Variants in ROBO2 observed in about 807,000 individuals in gnomAD.
ROBO2 encodes the protein roundabout homolog 2.
ROBO2 carries 53 observed loss-of-function variants against 160.8 expected under a neutral mutation model. The ratio of observed to expected loss-of-function variants is 0.33; its 90% CI spans 0.26 to 0.41. The LOEUF is 0.41. Ranked by LOEUF, ROBO2 falls within the 10% of genes least tolerant of loss-of-function variation. The probability of loss-of-function intolerance (pLI) is 1.00; values close to 1 mark genes in which losing one functional copy is unlikely to be tolerated. For missense variants in ROBO2, 1,577 were observed against 1,722.4 expected (o/e 0.92, Z 1.49); for synonymous variants, 664 against 611.7 (o/e 1.09, Z -1.26).
chr3:75,997,684 G>A (rs993052467), intron 2 of ROBO2, among the ~76,000 whole-genome samples: 8 of 151,872 alleles, frequency 5.3e-5, no homozygotes, highest in African/African-American at 1.7e-4. Flanking sequence ...TAGTAGAGAC[G>A]GGGTTTCACC....
chr3:77,040,425 C>T, exon 1 of ROBO2: 5 of 1,050,022 alleles, frequency 4.8e-6, no homozygotes, highest in African/African-American at 1.7e-5. Flanking sequence ...CCCCCTTCAT[C>T]ATCTTGACTT....
intron 2 of ROBO2, among the ~76,000 whole-genome samples, chr3:76,993,718 C>T (rs1308162175): frequency 6.6e-6 from 1 of 151,938 alleles, no homozygotes; most frequent in Admixed American, 6.6e-5. Context: ...TTCTTTAGTC[C>T]TTAAAATAAG....
At chr3:77,254,737 A>C (rs568612499) in intron 2 of ROBO2, among the ~76,000 whole-genome samples, 1 of 152,322 alleles carries the variant, frequency 6.6e-6, no homozygotes, top group African/African-American at 2.4e-5. Flanking sequence ...TGTTCTAGGC[A>C]CTTATTTCAC....
chr3:75,915,397 T>C (rs2106773995), intron 1 of ROBO2, among the ~76,000 whole-genome samples: 1 of 152,308 alleles, frequency 6.6e-6, no homozygotes, highest in African/African-American at 2.4e-5. Context: ...ATAGTGAGTC[T>C]GTTGTTGTTA....
At chr3:77,335,917 G>T (rs760296398) in intron 2 of ROBO2, among the ~76,000 whole-genome samples, 4 of 152,142 alleles carry the variant, frequency 2.6e-5, no homozygotes, top group Admixed American at 6.6e-5. Flanking sequence ...CTAATGGTTT[G>T]ATGGGGAGAA....
At chr3:76,775,096 T>C (rs1286799764) in intron 2 of ROBO2, among the ~76,000 whole-genome samples, 2 of 150,732 alleles carry the variant, frequency 1.3e-5, no homozygotes, top group Non-Finnish European at 3.0e-5. Context: ...TTTTCTAAAA[T>C]GAAGGAAAAT....
At chr3:76,746,144 C>G (rs1467117796) in intron 2 of ROBO2, among the ~76,000 whole-genome samples, 1 of 151,992 alleles carries the variant, frequency 6.6e-6, no homozygotes, top group Non-Finnish European at 1.5e-5. Flanking sequence ...TCATCCATGT[C>G]CCTAAAAATG....
intron 2 of ROBO2, among the ~76,000 whole-genome samples, chr3:76,549,587 G>A (rs2083300009): frequency 6.6e-6 from 1 of 152,186 alleles, no homozygotes; most frequent in African/African-American, 2.4e-5. Flanking sequence ...CTGTACCTGA[G>A]AATATTCCAT....
intron 2 of ROBO2, among the ~76,000 whole-genome samples, chr3:76,726,036 T>A (rs535781352): frequency 6.6e-6 from 1 of 152,182 alleles, no homozygotes; most frequent in Non-Finnish European, 1.5e-5. Flanking sequence ...TAAGAAACCA[T>A]CCTTAGAGTA....
intron 2 of ROBO2, among the ~76,000 whole-genome samples, chr3:76,981,972 C>T (rs2060122613): frequency 6.6e-6 from 1 of 152,158 alleles, no homozygotes; most frequent in African/African-American, 2.4e-5. Context: ...AAACTTCCCA[C>T]CAGGTGCCAT....
chr3:76,149,748 CAT>C (rs750190868), intron 2 of ROBO2, among the ~76,000 whole-genome samples: 72 of 134,834 alleles, frequency 5.3e-4, no homozygotes, highest in Non-Finnish European at 1.1e-3. Context: ...AAGCACACAT[CAT>C]ATGTCTAAAG....
At chr3:76,923,686 G>C (rs2076810034) in intron 2 of ROBO2, among the ~76,000 whole-genome samples, 1 of 152,178 alleles carries the variant, frequency 6.6e-6, no homozygotes, top group South Asian at 2.1e-4. Context: ...AGTATCATTG[G>C]TGCATCAGAA....
At chr3:76,273,081 TATATATAAAATAC>T (rs1268993113) in intron 2 of ROBO2, among the ~76,000 whole-genome samples, 1 of 98,558 alleles carries the variant, frequency 1.0e-5, no homozygotes, top group Admixed American at 1.7e-4. Context: ...ATAAATATAA[TATATATAAAATAC>T]ACACACATAT....
chr3:76,243,958 T>C (rs1355712572), intron 2 of ROBO2, among the ~76,000 whole-genome samples: 1 of 151,920 alleles, frequency 6.6e-6, no homozygotes, highest in Non-Finnish European at 1.5e-5. Flanking sequence ...GAAGGGAGCT[T>C]GGGGGAGGAG....
intron 2 of ROBO2, among the ~76,000 whole-genome samples, chr3:76,577,315 A>T (rs1344213018): frequency 6.6e-6 from 1 of 152,164 alleles, no homozygotes; most frequent in African/African-American, 2.4e-5. Context: ...AATTTTCTTT[A>T]TCCTCCATAC....
At chr3:76,439,941 T>C (rs1310355745) in intron 2 of ROBO2, among the ~76,000 whole-genome samples, 2 of 152,098 alleles carry the variant, frequency 1.3e-5, no homozygotes, top group African/African-American at 4.8e-5. Context: ...TCATCCTCTC[T>C]CCTTAAGCCT....
chr3:77,088,386 AT>A (rs1355958451), intron 1 of ROBO2, among the ~76,000 whole-genome samples: 3 of 152,028 alleles, frequency 2.0e-5, no homozygotes, highest in Non-Finnish European at 4.4e-5. Context: ...ATATCTATTT[AT>A]TTGTTACATT....
chr3:77,474,815 T>C (rs761376548), intron 2 of ROBO2, among the ~76,000 whole-genome samples: 1 of 152,108 alleles, frequency 6.6e-6, no homozygotes, highest in Non-Finnish European at 1.5e-5. Flanking sequence ...TCGGCTACGA[T>C]AAAGAGCACA....
In ROBO2 at chr3:76,110,066, T is replaced by C. The variant is rs187488763; in HGVS notation, c.109+172464T>C. On this transcript the variant is annotated intron_variant, in intron 2 of 26. Transcript: ENST00000487694. ...ATATATATATATGAATGAATATATA[T>C]ATATATAAAAGCTTCTCATTCCATC... Among the ~76,000 whole-genome samples, 6 of 151,318 alleles carry C rather than the reference T, an allele frequency of 4.0e-5. No homozygotes were observed. In the Admixed American group the frequency reaches 4.0e-4, roughly 10 times the overall value.
Sources: allele counts gnomAD v4.1 joint callset (sites outside exome capture counted in the v4.1 genomes callset), GRCh38; gene constraint gnomAD v4.1.1; transcripts MANE v1.5; gene names NCBI Gene and HGNC (gene_info 2026-07-23, HGNC 2026-07-21).